The following METTL2A variants were observed in gnomAD, a reference collection of about 807,000 sequenced individuals.
METTL2A encodes tRNA N(3)-cytidine methyltransferase METTL2A.
In METTL2A, 45 loss-of-function variants were observed where a neutral mutation model predicts 49.4. The ratio of observed to expected loss-of-function variants is 0.91; its 90% CI spans 0.72 to 1.17. The LOEUF (loss-of-function observed/expected upper bound fraction) is 1.17, where lower values mean the gene tolerates loss of function less well. Among genes scored for constraint, METTL2A ranks in the 50% most tolerant of loss-of-function variants. The pLI, the probability that METTL2A is intolerant of heterozygous loss-of-function variation, is 0.00. For missense variants in METTL2A, 361 were observed against 462.2 expected, an observed-to-expected ratio of 0.78 and a Z score of 2.01; for synonymous variants, 118 against 167.5, an observed-to-expected ratio of 0.70 and a Z score of 2.28.
At chr17:62,436,562 G>C (rs929893469) in intron 5 of METTL2A, among the ~76,000 whole-genome samples, 1 of 151,930 alleles carries the variant, frequency 6.6e-6, no homozygotes, top group Admixed American at 6.6e-5. Context: ...AAAAAAGAGA[G>C]AGAAAGAAAA....
At chr17:62,429,977 C>CCA (rs2070653961) in intron 4 of METTL2A, among the ~76,000 whole-genome samples, 1 of 152,166 alleles carries the variant, frequency 6.6e-6, no homozygotes, top group African/African-American at 2.4e-5. Context: ...GGCCCTATAG[C>CCA]TGTTTTTAAA....
At chr17:62,428,839 A>G (rs2070645520) in intron 4 of METTL2A, among the ~76,000 whole-genome samples, 2 of 152,222 alleles carry the variant, frequency 1.3e-5, no homozygotes, top group African/African-American at 4.8e-5. Context: ...ACTAGCGCAC[A>G]GTGGTGCGCC....
intron 7 of METTL2A, among the ~76,000 whole-genome samples, chr17:62,446,286 A>G (rs1414707092): frequency 1.3e-5 from 2 of 150,364 alleles, no homozygotes; most frequent in African/African-American, 4.9e-5. Context: ...CTGGGATTAC[A>G]GGTGTGAGCC....
intron 4 of METTL2A, among the ~76,000 whole-genome samples, chr17:62,431,519 A>AT (rs2070665294): frequency 6.6e-6 from 1 of 151,608 alleles, no homozygotes; most frequent in Admixed American, 6.6e-5. Context: ...ACCCCTGCTA[A>AT]TTTTTGTCTT....
chr17:62,437,715 T>C (rs2070710153), intron 5 of METTL2A, among the ~76,000 whole-genome samples: 1 of 152,190 alleles, frequency 6.6e-6, no homozygotes, highest in Non-Finnish European at 1.5e-5. Flanking sequence ...GGCTCACACC[T>C]GTCATCCCAG....
intron 3 of METTL2A, among the ~76,000 whole-genome samples, chr17:62,427,580 A>G (rs1487104557): frequency 6.6e-6 from 1 of 152,238 alleles, no homozygotes; most frequent in Middle Eastern, 3.2e-3. Context: ...CGTTTCTGCT[A>G]ATAAAAACCC....
chr17:62,444,499 C>G (rs766764519), intron 6 of METTL2A, among the ~76,000 whole-genome samples: 3 of 152,170 alleles, frequency 2.0e-5, no homozygotes, highest in Non-Finnish European at 4.4e-5. Flanking sequence ...AGGCTGGTCT[C>G]AAACTCCTGA....
At chr17:62,431,262 A>G (rs1176043698) in intron 4 of METTL2A, among the ~76,000 whole-genome samples, 4 of 152,126 alleles carry the variant, frequency 2.6e-5, no homozygotes, top group African/African-American at 9.7e-5. Flanking sequence ...CGGCCTCCCA[A>G]AGTGCTGGGA....
chr17:62,445,167 A>G (rs1201244493), intron 7 of METTL2A, among the ~76,000 whole-genome samples: 1 of 151,974 alleles, frequency 6.6e-6, no homozygotes, highest in African/African-American at 2.4e-5. Flanking sequence ...TGGGAGAGGG[A>G]TAGCATTAGC....
chr17:62,430,287 C>T (rs372802364), intron 4 of METTL2A, among the ~76,000 whole-genome samples: 2 of 152,124 alleles, frequency 1.3e-5, no homozygotes, highest in East Asian at 1.9e-4. Context: ...CAAGTTATGG[C>T]CATTAATTAT....
At chr17:62,428,096 A>T (rs1400715164) in intron 4 of METTL2A, among the ~76,000 whole-genome samples, 1 of 152,270 alleles carries the variant, frequency 6.6e-6, no homozygotes. Context: ...TTGTTCATTT[A>T]TGGATTGTTT....
chr17:62,448,083 G>A (rs749428032), intron 8 of METTL2A, among the ~76,000 whole-genome samples: 2 of 152,124 alleles, frequency 1.3e-5, no homozygotes, highest in African/African-American at 2.4e-5. Flanking sequence ...CCCTCTACAC[G>A]GGGTTGTGCT....
At chr17:62,445,602 C>T (rs2070763247) in intron 7 of METTL2A, among the ~76,000 whole-genome samples, 1 of 151,994 alleles carries the variant, frequency 6.6e-6, no homozygotes, top group Non-Finnish European at 1.5e-5. Context: ...AGTTCAAGAC[C>T]AGCCTGACCA....
chr17:62,441,006 A>G (rs931415876), intron 6 of METTL2A, among the ~76,000 whole-genome samples: 3 of 152,120 alleles, frequency 2.0e-5, no homozygotes, highest in African/African-American at 7.2e-5. Flanking sequence ...GGGTTTTGCC[A>G]TGTTGCCCAG....
At chr17:62,424,977 C>G (rs537860271) in intron 2 of METTL2A, among the ~76,000 whole-genome samples, 1 of 150,184 alleles carries the variant, frequency 6.7e-6, no homozygotes, top group South Asian at 2.1e-4. Flanking sequence ...CAAAAAGATT[C>G]CAGTTACAAA....
rs1212949210 is a variant in METTL2A at position 62,453,318 on chromosome 17, C to A, written c.*4589C>A. 2.6e-5 allele frequency among the ~76,000 whole-genome samples: 4 copies of A among 152,126 alleles called. No homozygotes were observed. Among genetic ancestry groups the A allele is most frequent in the Admixed American group, 1.3e-4 (2 of 15,256 alleles). ...GCTAATGATGGGCAGAGGACTGTTA[C>A]ATTTGTTGGGAGGGATTAAAGTATA... On this transcript the variant is annotated 3_prime_UTR_variant, in exon 9 of 9. Transcript: ENST00000311506.
intron 1 of METTL2A, 84 bp from the exon 2 acceptor site, chr17:62,424,135 G>C: frequency 6.2e-7 from 1 of 1,600,522 alleles, no homozygotes; most frequent in Non-Finnish European, 8.5e-7. Context: ...CACTCTCCAA[G>C]GGGAGAGAAA....
rs1326147652 is a variant in METTL2A at position 62,449,766 on chromosome 17, C to G, written c.*1037C>G. On this transcript the variant is annotated 3_prime_UTR_variant, in exon 9 of 9. Coordinates refer to ENST00000311506, the MANE Select transcript of METTL2A (RefSeq NM_181725.4). ...TCCATGGAATTTTAAGCATTGTTCC[C>G]CCTCTAACCTGTGTCTAAAGAATTA... The G allele has an allele frequency of 5.9e-6, 1 of 168,552 alleles. No homozygotes were observed. Among genetic ancestry groups the G allele is most frequent in the Non-Finnish European group, 1.3e-5 (1 of 78,140 alleles). The allele number at this position is 168,552 out of a possible 1,614,324, so 10.4% of individuals were successfully genotyped here.
At chr17:62,433,113 A>G (rs536133391) in intron 4 of METTL2A, among the ~76,000 whole-genome samples, 1 of 152,244 alleles carries the variant, frequency 6.6e-6, no homozygotes, top group East Asian at 1.9e-4. Context: ...ATACCAAGGG[A>G]CAACTATATG....
Sources: gnomAD v4.1 joint callset for allele counts (sites outside exome capture counted in the v4.1 genomes callset) on GRCh38, gnomAD v4.1.1 for gene constraint, MANE v1.5 for transcripts, NCBI Gene and HGNC (gene_info 2026-07-23, HGNC 2026-07-21) for gene names.